The following PIBF1 variants were observed in gnomAD, a reference collection of about 807,000 sequenced individuals.
The protein encoded by PIBF1 is progesterone immunomodulatory binding factor 1.
Under a neutral mutation model 112.5 loss-of-function variants are expected in PIBF1, and 90 were observed. The observed-to-expected ratio is 0.80, with a 90% confidence interval of 0.67 to 0.95. The LOEUF (loss-of-function observed/expected upper bound fraction) is 0.95, where lower values mean the gene tolerates loss of function less well. PIBF1 is among the 40% of genes least tolerant of loss of function. The pLI is 0.00. For missense variants in PIBF1, 915 were observed against 852.3 expected, an observed-to-expected ratio of 1.07 and a Z score of -0.92; for synonymous variants, 301 against 288.6, an observed-to-expected ratio of 1.04 and a Z score of -0.44.
intron 5 of PIBF1, 131 bp downstream of exon 5, chr13:72,798,157 C>A: frequency 1.2e-6 from 1 of 850,854 alleles, no homozygotes. Flanking sequence ...TGCTACAGTT[C>A]AATAATGGGA....
chr13:72,891,624 G>A (rs1005791713), intron 10 of PIBF1, among the ~76,000 whole-genome samples: 3 of 152,034 alleles, frequency 2.0e-5, no homozygotes, highest in African/African-American at 7.2e-5. Context: ...GTAAAATGGT[G>A]CAACCCTGTT....
At chr13:72,927,750 C>A (rs2041535224) in intron 13 of PIBF1, among the ~76,000 whole-genome samples, 1 of 150,660 alleles carries the variant, frequency 6.6e-6, no homozygotes, top group African/African-American at 2.4e-5. Context: ...CTTTATATTT[C>A]TTTTCATTAA....
chr13:72,967,455 A>G (rs7999640), intron 15 of PIBF1, among the ~76,000 whole-genome samples: 17,625 of 152,212 alleles, frequency 0.12, 2,953 homozygotes, highest in African/African-American at 0.37. Flanking sequence ...AAATTCAGCC[A>G]TAGAGAAATT....
chr13:72,814,531 A>G (rs1282896475), intron 5 of PIBF1, among the ~76,000 whole-genome samples: 1 of 151,458 alleles, frequency 6.6e-6, no homozygotes, highest in Admixed American at 6.6e-5. Context: ...TATAGTTTCT[A>G]TTTTTTATCA....
chr13:72,928,616 T>A (rs1242439925), intron 13 of PIBF1, among the ~76,000 whole-genome samples: 2 of 152,076 alleles, frequency 1.3e-5, no homozygotes, highest in Non-Finnish European at 2.9e-5. Context: ...ATTTTTGTAT[T>A]TTTAGTAGAG....
rs762111345 is a variant in PIBF1, at chr13:72,783,613, G to A, written c.144G>A (p.Arg48=). The A allele has an allele frequency of 1.9e-6, 3 of 1,614,024 alleles. No individual in the cohort carries two copies. The highest frequency in any genetic ancestry group is 2.2e-5 in the East Asian group (1 of 44,868). The change falls in exon 2 of 18, where the codon AGG becomes AGA. Residue 48 remains arginine (R), a synonymous_variant. Transcript: ENST00000326291. The part of the protein sequence containing the change: ...EEREGKVRIT[R]QLIERKELLH... ...GAGAGGGCAAAGTCAGAATCACCAG[G>A]CAGCTAATTGAACGAAAAGAACTAC...
chr13:72,881,972 G>A (rs2039657944), intron 10 of PIBF1, among the ~76,000 whole-genome samples: 2 of 152,002 alleles, frequency 1.3e-5, no homozygotes, highest in South Asian at 4.2e-4. Context: ...AATAGACCCA[G>A]AATAGCCAAA....
intron 17 of PIBF1, among the ~76,000 whole-genome samples, chr13:73,010,619 T>G (rs530568668): frequency 3.3e-5 from 5 of 151,660 alleles, no homozygotes; most frequent in South Asian, 2.1e-4. Context: ...AATAAATAAA[T>G]AAAGAACAAT....
intron 10 of PIBF1, among the ~76,000 whole-genome samples, chr13:72,857,650 C>T (rs2038484963): frequency 6.6e-6 from 1 of 152,118 alleles, no homozygotes; most frequent in African/African-American, 2.4e-5. Flanking sequence ...ACCAGCCTGG[C>T]CAATATGGCA....
At chr13:72,962,846 A>G (rs897240728) in intron 14 of PIBF1, among the ~76,000 whole-genome samples, 3 of 152,218 alleles carry the variant, frequency 2.0e-5, no homozygotes, top group Non-Finnish European at 4.4e-5. Flanking sequence ...AAGGAAAAAC[A>G]AAGTTGTAGG....
In PIBF1 at chr13:72,832,071, C is replaced by CTTTTTTTTT. The variant is rs1491281184; in HGVS notation, c.1098-3172_1098-3171insTTTTTTTTT. Among the ~76,000 whole-genome samples the CTTTTTTTTT allele has an allele frequency of 4.7e-4, 28 of 59,494 alleles. 7 individuals carry two copies. The highest frequency in any genetic ancestry group is 1.2e-3 in the East Asian group (2 of 1,630). 39.0% of individuals were successfully genotyped at this position (59,494 alleles called of 152,430 possible). ...TCAGAGATTAGAATTGCAATTCCGGCCTTTTTTTTTTTTTTTTTTTTTTTT... is the reference window on the plus strand; with the variant it reads ...TCAGAGATTAGAATTGCAATTCCGGCTTTTTTTTTCTTTTTTTTTTTTTTTTTTTTTTTT... On this transcript the variant is annotated intron_variant, in intron 8 of 17. Transcript: ENST00000326291.
chr13:73,013,962 T>A (rs141555128), intron 17 of PIBF1, among the ~76,000 whole-genome samples: 13 of 152,184 alleles, frequency 8.5e-5, no homozygotes, highest in African/African-American at 3.1e-4. Flanking sequence ...AAACAAAAAT[T>A]GAAGGAATTT....
At chr13:72,889,864 G>A (rs779158549) in intron 10 of PIBF1, among the ~76,000 whole-genome samples, 2 of 152,126 alleles carry the variant, frequency 1.3e-5, no homozygotes, top group Admixed American at 6.6e-5. Context: ...CCTGTTTACC[G>A]AATGAGATTT....
At chr13:72,905,224 C>T (rs1178382592) in intron 11 of PIBF1, among the ~76,000 whole-genome samples, 2 of 151,998 alleles carry the variant, frequency 1.3e-5, no homozygotes, top group African/African-American at 4.8e-5. Context: ...CGCACCACAA[C>T]ACCCGGCTAA....
intron 11 of PIBF1, chr13:72,901,096 G>A: frequency 4.5e-6 from 2 of 447,148 alleles, no homozygotes; most frequent in Non-Finnish European, 4.5e-6. Flanking sequence ...CTTTCGCACA[G>A]CAAAAGGAAC....
intron 10 of PIBF1, among the ~76,000 whole-genome samples, chr13:72,869,373 A>G (rs1404841386): frequency 6.7e-6 from 1 of 150,278 alleles, no homozygotes; most frequent in Non-Finnish European, 1.5e-5. Flanking sequence ...AGGACAAAAA[A>G]CCAAGCACTG....
chr13:72,796,083 G>T (rs1221089580), intron 4 of PIBF1, among the ~76,000 whole-genome samples: 1 of 151,964 alleles, frequency 6.6e-6, no homozygotes, highest in Non-Finnish European at 1.5e-5. Flanking sequence ...TGTTTATATG[G>T]GCTGTATCTA....
Position 72,874,719 on chromosome 13 carries a change from G to A in PIBF1, c.1323-19065G>A, listed in dbSNP as rs9543154. On this transcript the variant is annotated intron_variant, in intron 10 of 17. Transcript: ENST00000326291. ...ACACTTAAAATTAGTTAATTTTGTA[G>A]GTAAATTATGCTCCAATAAAACTGG... 1.2e-4 allele frequency among the ~76,000 whole-genome samples: 18 copies of A among 152,176 alleles called. No individual in the cohort carries two copies. In the East Asian group the frequency reaches 3.5e-3, roughly 29 times the overall value.
intron 17 of PIBF1, among the ~76,000 whole-genome samples, chr13:73,004,413 C>T (rs1025511094): frequency 6.6e-6 from 1 of 151,598 alleles, no homozygotes; most frequent in African/African-American, 2.4e-5. Flanking sequence ...ATCACTTGAA[C>T]CCAGGAGGCG....
Sources: gnomAD v4.1 joint callset for allele counts (sites outside exome capture counted in the v4.1 genomes callset) on GRCh38, gnomAD v4.1.1 for gene constraint, MANE v1.5 for transcripts, NCBI Gene and HGNC (gene_info 2026-07-23, HGNC 2026-07-21) for gene names.